GPC5: variants seen among roughly 807,000 people sequenced by gnomAD.
The protein encoded by GPC5 is glypican-5.
Under a neutral mutation model 53.9 loss-of-function variants are expected in GPC5, and 47 were observed. That is an observed-to-expected ratio of 0.87 (90% confidence interval 0.69 to 1.11). GPC5 has a LOEUF of 1.11. Ranked by LOEUF, GPC5 falls within the 50% of genes most tolerant of loss-of-function variation. The pLI, the probability that GPC5 is intolerant of heterozygous loss-of-function variation, is 0.00. For missense variants in GPC5, 748 were observed against 713.1 expected, an observed-to-expected ratio of 1.05 and a Z score of -0.56; for synonymous variants, 286 against 263.3, an observed-to-expected ratio of 1.09 and a Z score of -0.84.
chr13:92,467,751 A>C lies in GPC5; in HGVS notation c.1561+322762A>C, dbSNP rs1478246420. On this transcript the variant is annotated intron_variant, in intron 7 of 7. Transcript: ENST00000377067. ...CTCAGTATTGCCTAGATGTAGGTTT[A>C]GTTTTGAGAACACAAAGGAGACTTG... Among the ~76,000 whole-genome samples the C allele has an allele frequency of 3.3e-5, 5 of 152,118 alleles. No individual in the cohort carries two copies. In the East Asian group the frequency reaches 5.8e-4, roughly 18 times the overall value.
chr13:91,625,727 G>A (rs992250572), intron 2 of GPC5, among the ~76,000 whole-genome samples: 2 of 151,996 alleles, frequency 1.3e-5, no homozygotes, highest in Non-Finnish European at 2.9e-5. Flanking sequence ...CTTTAACCAC[G>A]TTATTTAGGG....
intron 2 of GPC5, among the ~76,000 whole-genome samples, chr13:91,522,001 C>T (rs910817502): frequency 3.2e-4 from 48 of 152,226 alleles, no homozygotes; most frequent in Non-Finnish European, 6.5e-4. Flanking sequence ...AAAGAGTATA[C>T]ATGAAGAGAT....
chr13:91,504,741 T>G (rs1052117516), intron 2 of GPC5, among the ~76,000 whole-genome samples: 1 of 152,092 alleles, frequency 6.6e-6, no homozygotes, highest in Non-Finnish European at 1.5e-5. Flanking sequence ...GAAGATTGTT[T>G]GAGGCCAAGA....
At chr13:91,639,335 A>C (rs2034362642) in intron 2 of GPC5, among the ~76,000 whole-genome samples, 2 of 152,218 alleles carry the variant, frequency 1.3e-5, no homozygotes, top group South Asian at 4.1e-4. Flanking sequence ...CTTTCAGAGT[A>C]GAGGGCCCAT....
intron 6 of GPC5, among the ~76,000 whole-genome samples, chr13:92,012,741 A>T (rs1054933536): frequency 2.0e-5 from 3 of 152,272 alleles, no homozygotes; most frequent in African/African-American, 4.8e-5. Flanking sequence ...CATAAATGCT[A>T]TCTAAGTTTA....
chr13:91,724,297 C>A (rs1268428619), intron 3 of GPC5, among the ~76,000 whole-genome samples: 1 of 152,048 alleles, frequency 6.6e-6, no homozygotes. Context: ...CTTATGTAAT[C>A]TATTAACCGC....
At chr13:92,495,110 G>C (rs948002223) in intron 7 of GPC5, among the ~76,000 whole-genome samples, 2 of 152,092 alleles carry the variant, frequency 1.3e-5, no homozygotes, top group African/African-American at 4.8e-5. Flanking sequence ...TTCTGAGTTC[G>C]TCAGTCTAGA....
At chr13:91,693,160 C>T in intron 2 of GPC5, 27 bp from the exon 3 acceptor site, 1 of 1,539,184 alleles carries the variant, frequency 6.5e-7, no homozygotes, top group Non-Finnish European at 8.9e-7. Flanking sequence ...TAAACCTTCT[C>T]ATGTTTTACC....
At chr13:91,685,806 A>G (rs1416551440) in intron 2 of GPC5, among the ~76,000 whole-genome samples, 1 of 152,152 alleles carries the variant, frequency 6.6e-6, no homozygotes, top group Non-Finnish European at 1.5e-5. Context: ...AGCCAAAAAT[A>G]TAGAACATCT....
intron 7 of GPC5, among the ~76,000 whole-genome samples, chr13:92,857,773 G>A (rs1412791064): frequency 1.3e-5 from 2 of 151,908 alleles, no homozygotes; most frequent in African/African-American, 2.4e-5. Flanking sequence ...CAATGAGATA[G>A]CATCTCACAC....
intron 2 of GPC5, among the ~76,000 whole-genome samples, chr13:91,588,901 A>T (rs75195577): frequency 0.12 from 18,606 of 152,084 alleles, 1,188 homozygotes; most frequent in Middle Eastern, 0.17. Context: ...TTTTTACCAA[A>T]CTTAAAATAA....
intron 5 of GPC5, among the ~76,000 whole-genome samples, chr13:91,892,673 A>G (rs903104145): frequency 5.3e-5 from 8 of 151,780 alleles, no homozygotes; most frequent in Admixed American, 1.3e-4. Context: ...GTAACTTGTT[A>G]TGTCTTAATA....
chr13:92,312,179 C>T (rs992798506), intron 7 of GPC5, among the ~76,000 whole-genome samples: 20 of 152,062 alleles, frequency 1.3e-4, no homozygotes, highest in African/African-American at 3.6e-4. Context: ...TAAAATATTT[C>T]GAGATTTTAA....
intron 2 of GPC5, among the ~76,000 whole-genome samples, chr13:91,478,834 C>T (rs1345831542): frequency 3.3e-4 from 26 of 78,278 alleles, no homozygotes; most frequent in African/African-American, 4.6e-4. Context: ...CACACACACA[C>T]ATATATATAC....
intron 7 of GPC5, among the ~76,000 whole-genome samples, chr13:92,263,500 GCTCT>G (rs910716914): frequency 1.3e-4 from 19 of 151,994 alleles, no homozygotes; most frequent in African/African-American, 4.1e-4. Flanking sequence ...GAAAGATTCT[GCTCT>G]CTAAGGATAA....
chr13:92,393,469 G>A (rs1314919355), intron 7 of GPC5, among the ~76,000 whole-genome samples: 1 of 152,090 alleles, frequency 6.6e-6, no homozygotes, highest in African/African-American at 2.4e-5. Flanking sequence ...GGCCAACATG[G>A]CGAAACCCTG....
intron 7 of GPC5, among the ~76,000 whole-genome samples, chr13:92,691,716 ATTT>A (rs907845864): frequency 6.6e-6 from 1 of 151,600 alleles, no homozygotes; most frequent in African/African-American, 2.4e-5. Context: ...TTCTCCACTT[ATTT>A]GGATTTCCTT....
chr13:92,352,125 C>G (rs1013773185), intron 7 of GPC5, among the ~76,000 whole-genome samples: 2 of 152,016 alleles, frequency 1.3e-5, no homozygotes, highest in African/African-American at 4.8e-5. Context: ...GAAACAGAAC[C>G]ATGCTTGTGT....
In GPC5 at chr13:92,385,439, T is replaced by TAC. The variant is rs1256020517; in HGVS notation, c.1561+240451_1561+240452insCA. 1.1e-3 allele frequency among the ~76,000 whole-genome samples: 115 copies of TAC among 108,118 alleles called. 15 individuals carry two copies. Among genetic ancestry groups the TAC allele is most frequent in the African/African-American group, 4.1e-3 (111 of 26,844 alleles). 70.9% of individuals were successfully genotyped at this position (108,118 alleles called of 152,430 possible). A position where few individuals can be genotyped will look rare whatever the true frequency, so the allele number is the denominator to read the frequency against. On this transcript the variant is annotated intron_variant, in intron 7 of 7. Coordinates refer to ENST00000377067, the MANE Select transcript of GPC5 (RefSeq NM_004466.6). ...ATATATACATATATACATATATACA[T>TAC]ATATACATATATACATATATACACA... is the stretch of plus-strand genomic sequence containing the variant.
Sources: gnomAD v4.1 joint callset for allele counts (sites outside exome capture counted in the v4.1 genomes callset) on GRCh38, gnomAD v4.1.1 for gene constraint, MANE v1.5 for transcripts, NCBI Gene and HGNC (gene_info 2026-07-23, HGNC 2026-07-21) for gene names.